Variants in BLM observed in about 807,000 individuals in gnomAD.
The protein encoded by BLM is BLM RecQ like helicase.
BLM carries 95 observed loss-of-function variants against 135.3 expected under a neutral mutation model. The observed-to-expected ratio is 0.70, with a 90% CI of 0.59 to 0.83. The LOEUF (loss-of-function observed/expected upper bound fraction) is 0.83. BLM is among the 40% of genes least tolerant of loss of function. The pLI, the probability that BLM is intolerant of heterozygous loss-of-function variation, is 0.00. For missense variants in BLM, 1,518 were observed against 1,663.9 expected, an observed-to-expected ratio of 0.91 and a Z score of 1.53; for synonymous variants, 520 against 589.2, an observed-to-expected ratio of 0.88 and a Z score of 1.70.
At chr15:90,786,466 C>T (rs1896751654) in intron 14 of BLM, among the ~76,000 whole-genome samples, 1 of 152,202 alleles carries the variant, frequency 6.6e-6, no homozygotes, top group African/African-American at 2.4e-5. Flanking sequence ...CAAAGTGGCT[C>T]TGCAGTTCTG....
In BLM at chr15:90,811,291, G is replaced by C. The variant is rs7167216; in HGVS notation, c.3961G>C (p.Val1321Leu). Residue 1321 changes from valine to leucine, a missense_variant, in exon 21 of 22, where the codon GTA becomes CTA. Val to Leu is a conservative substitution (Grantham distance 32). Coordinates refer to ENST00000355112, the MANE Select transcript of BLM (RefSeq NM_000057.4). ...AAEELDEEIP[V>L]SSHYFASKTR... ...TGAGGAGCTCGACGAGGAAATACCC[G>C]TATCTTCCCACTACTTTGCAAGTAA... 2 of 1,614,040 alleles carry C rather than the reference G, an allele frequency of 1.2e-6. No homozygotes were observed. The highest frequency in any genetic ancestry group is 1.7e-6 in the Non-Finnish European group (2 of 1,180,008).
rs908768190 is a variant in BLM, at chr15:90,725,436, G to T, written c.-5+7996G>T. On this transcript the variant is annotated intron_variant, in intron 1 of 21. Transcript: ENST00000355112. The stretch of plus-strand genomic sequence containing the variant: ...ATTTTCTGGTAGCATTCATTTCTCT[G>T]ATTATTAGTGAAGATGAGTACCCTG... 7.3e-5 allele frequency among the ~76,000 whole-genome samples: 11 copies of T among 151,512 alleles called. No homozygotes were observed. The South Asian group carries it at 2.3e-3, about 32-fold the overall frequency.
chr15:90,744,702 G>A (rs577497397), intron 1 of BLM, among the ~76,000 whole-genome samples: 1 of 151,756 alleles, frequency 6.6e-6, no homozygotes, highest in Non-Finnish European at 1.5e-5. Flanking sequence ...ATTCCAAATG[G>A]TGAAGTGCCC....
At chr15:90,789,042 GATAT>G (rs10598894) in intron 14 of BLM, among the ~76,000 whole-genome samples, 28,602 of 146,110 alleles carry the variant, frequency 0.2, 4,359 homozygotes, top group African/African-American at 0.43. Context: ...CTACAATGGA[GATAT>G]ATATATATAT....
intron 1 of BLM, among the ~76,000 whole-genome samples, chr15:90,732,506 C>T (rs1337989066): frequency 1.4e-5 from 2 of 146,622 alleles, no homozygotes; most frequent in Non-Finnish European, 3.0e-5. Flanking sequence ...AAATTGAAAA[C>T]AACTATTGGA....
At chr15:90,805,416 A>G (rs930484883) in intron 19 of BLM, among the ~76,000 whole-genome samples, 3 of 151,128 alleles carry the variant, frequency 2.0e-5, no homozygotes, top group Non-Finnish European at 4.4e-5. Flanking sequence ...AGTTGCAGAT[A>G]TTTGTATATA....
intron 19 of BLM, among the ~76,000 whole-genome samples, chr15:90,808,401 C>T (rs1486625141): frequency 6.6e-6 from 1 of 152,230 alleles, no homozygotes; most frequent in African/African-American, 2.4e-5. Context: ...ACAGAGCCAG[C>T]CTCCAAAACT....
intron 19 of BLM, among the ~76,000 whole-genome samples, chr15:90,805,950 A>G (rs1056466377): frequency 6.6e-6 from 1 of 151,892 alleles, no homozygotes. Context: ...CCTGGGTTCA[A>G]ACGATTCTCC....
intron 1 of BLM, among the ~76,000 whole-genome samples, chr15:90,721,701 G>C (rs1463474020): frequency 1.3e-5 from 2 of 151,998 alleles, no homozygotes; most frequent in African/African-American, 4.8e-5. Context: ...GGGAGGCCTA[G>C]GTGGGCGGAT....
chr15:90,765,544 C>T (rs1896101910), intron 9 of BLM, 130 bp downstream of exon 9: 1 of 740,218 alleles, frequency 1.4e-6, no homozygotes, highest in Admixed American at 2.3e-5. Flanking sequence ...TGCAGTTGAA[C>T]AGAAGTCTGA....
intron 1 of BLM, among the ~76,000 whole-genome samples, chr15:90,742,064 T>C (rs1312555833): frequency 2.6e-5 from 4 of 152,202 alleles, no homozygotes; most frequent in Admixed American, 6.5e-5. Flanking sequence ...AGAGAACATA[T>C]GACATAAAAT....
intron 1 of BLM, among the ~76,000 whole-genome samples, chr15:90,717,933 G>C (rs980373883): frequency 1.3e-5 from 2 of 152,150 alleles, no homozygotes; most frequent in African/African-American, 4.8e-5. Context: ...GTAGCTTTAC[G>C]ATATCCCAGC....
At position 90,758,523 on chromosome 15, in the gene BLM, A is replaced by T. The variant is rs76828742; in HGVS notation, c.1088-1624A>T. Reference sequence around the variant, plus strand: ...TAAAATAAAACCTCTACTGCTTTGAAATTCTATTTATTAGTTATGGCTTAA... The same window carrying T: ...TAAAATAAAACCTCTACTGCTTTGATATTCTATTTATTAGTTATGGCTTAA... On this transcript the variant is annotated intron_variant, in intron 5 of 21. Coordinates refer to ENST00000355112, the MANE Select transcript of BLM (RefSeq NM_000057.4). 1.2e-3 allele frequency among the ~76,000 whole-genome samples: 190 copies of T among 152,220 alleles called. 4 individuals are homozygous for T. The East Asian group carries it at 0.028, about 23-fold the overall frequency.
intron 1 of BLM, among the ~76,000 whole-genome samples, chr15:90,737,248 G>T (rs1895242424): frequency 6.6e-6 from 1 of 151,660 alleles, no homozygotes; most frequent in Non-Finnish European, 1.5e-5. Context: ...TTGAATAAAT[G>T]AATAAATATA....
rs149130663 is a variant in BLM, at chr15:90,808,730, C to T, written c.3752-407C>T. The T allele has an allele frequency of 1.3e-5, 4 of 313,412 alleles. No individual in the cohort carries two copies. In the East Asian group the frequency reaches 3.3e-4, roughly 26 times the overall value. 19.4% of individuals were successfully genotyped at this position (313,412 alleles called of 1,614,324 possible). ...GGGTGGGGTGTACAAGTCTGGAGTGCAGAGAAGAGGCTGGAGCTGGAAATA... is the reference window on the plus strand; with the variant it reads ...GGGTGGGGTGTACAAGTCTGGAGTGTAGAGAAGAGGCTGGAGCTGGAAATA... On this transcript the variant is annotated intron_variant, in intron 19 of 21. Coordinates refer to ENST00000355112, the MANE Select transcript of BLM (RefSeq NM_000057.4).
chr15:90,798,751 G>C (rs1897092477), intron 17 of BLM, among the ~76,000 whole-genome samples: 1 of 152,182 alleles, frequency 6.6e-6, no homozygotes, highest in Non-Finnish European at 1.5e-5. Context: ...GGAGGCCGAG[G>C]CGGGCGGATC....
intron 14 of BLM, among the ~76,000 whole-genome samples, chr15:90,790,004 T>TG (rs1567056173): frequency 1.1e-4 from 13 of 115,696 alleles, no homozygotes; most frequent in African/African-American, 5.8e-4. Flanking sequence ...TTTTTTTTTT[T>TG]TTTTTTTTTT....
Position 90,782,885 on chromosome 15 carries a change from G to T in BLM, c.2619G>T (p.Lys873Asn). 2 of 1,613,928 alleles carry T rather than the reference G, an allele frequency of 1.2e-6. No homozygotes were observed. Among genetic ancestry groups the T allele is most frequent in the South Asian group, 1.1e-5 (1 of 91,076 alleles). The part of the protein sequence containing the change: ...KYYVLPKKPK[K>N]VAFDCLEWIR... ...ATGTATTACCGAAAAAGCCTAAAAA[G>T]GTGGCATTTGATTGCCTAGAATGGA... Residue 873 changes from lysine to asparagine, a missense_variant, in exon 13 of 22, where the codon AAG (lysine) becomes AAT (asparagine). By Grantham distance (94) the Lys-to-Asn change is moderately conservative. Transcript: ENST00000355112.
At chr15:90,773,004 G>C (rs1471911747) in intron 12 of BLM, among the ~76,000 whole-genome samples, 2 of 148,848 alleles carry the variant, frequency 1.3e-5, no homozygotes. Flanking sequence ...AGCTGAGGCA[G>C]GAGAATCACT....
Sources: allele counts gnomAD v4.1 joint callset (sites outside exome capture counted in the v4.1 genomes callset), GRCh38; gene constraint gnomAD v4.1.1; transcripts MANE v1.5; gene names NCBI Gene and HGNC (gene_info 2026-07-23, HGNC 2026-07-21).